Variants in BCOR observed in about 807,000 individuals in gnomAD.
BCOR encodes BCL-6 corepressor.
A neutral mutation model predicts 86.7 loss-of-function variants in BCOR; 10 were observed. The ratio of observed to expected loss-of-function variants is 0.12; its 90% CI spans 0.07 to 0.20. The LOEUF (loss-of-function observed/expected upper bound fraction) is 0.20, where lower values mean the gene tolerates loss of function less well. BCOR is among the 10% of genes least tolerant of loss of function. The probability of loss-of-function intolerance (pLI) is 1.00; values close to 1 mark genes in which losing one functional copy is unlikely to be tolerated. For synonymous variants in BCOR, 611 were observed against 609.0 expected, an observed-to-expected ratio of 1.00 and a Z score of -0.05; for missense variants, 1,259 against 1,452.1, an observed-to-expected ratio of 0.87 and a Z score of 2.16.
At chrX:40,158,792 A>G (rs929336961) in intron 1 of BCOR, among the ~76,000 whole-genome samples, 1 of 112,480 alleles carries the variant, frequency 8.9e-6, no homozygotes, top group Non-Finnish European at 1.9e-5. Context: ...TTATTTGTCC[A>G]CTTTTTGAAT....
chrX:40,123,054 G>A (rs1257183386), intron 1 of BCOR, among the ~76,000 whole-genome samples: 1 of 111,427 alleles, frequency 9.0e-6, no homozygotes, highest in Non-Finnish European at 1.9e-5. Flanking sequence ...TGGGAGTCTC[G>A]GGCACTTACT....
intron 14 of BCOR, among the ~76,000 whole-genome samples, chrX:40,053,552 G>A (rs1343173311): frequency 8.9e-6 from 1 of 111,869 alleles, no homozygotes; most frequent in African/African-American, 3.3e-5. Context: ...GTCCTAGGGA[G>A]GACACCTTCT....
At chrX:40,055,557 C>G (rs1332136895) in intron 11 of BCOR, 44 bp from the exon 12 acceptor site, 1 of 1,203,000 alleles carries the variant, frequency 8.3e-7, no homozygotes, top group Non-Finnish European at 1.1e-6. Context: ...GCAAGCCACA[C>G]TTGCTTATAA....
intron 1 of BCOR, among the ~76,000 whole-genome samples, chrX:40,153,944 G>C (rs1310453173): frequency 9.1e-6 from 1 of 110,096 alleles, no homozygotes; most frequent in Non-Finnish European, 1.9e-5. Flanking sequence ...GGGGCAGGGG[G>C]CGGGGACGCA....
chrX:40,086,475 C>A (rs1189353989), intron 1 of BCOR, among the ~76,000 whole-genome samples: 1 of 113,290 alleles, frequency 8.8e-6, no homozygotes, highest in Non-Finnish European at 1.9e-5. Flanking sequence ...CTCTGCCTCA[C>A]CACAAGTTCC....
intron 1 of BCOR, among the ~76,000 whole-genome samples, chrX:40,160,100 G>C (rs1314953693): frequency 9.0e-6 from 1 of 111,373 alleles, no homozygotes; most frequent in Non-Finnish European, 1.9e-5. Context: ...TCAGATGGTT[G>C]ACATGGATTA....
chrX:40,165,280 T>G (rs759092776), intron 1 of BCOR, among the ~76,000 whole-genome samples: 7 of 111,120 alleles, frequency 6.3e-5, no homozygotes, highest in Non-Finnish European at 1.1e-4. Flanking sequence ...CCGCTTCCCC[T>G]CCCCGCCCTG....
intron 1 of BCOR, among the ~76,000 whole-genome samples, chrX:40,087,022 T>C (rs2147521608): frequency 8.8e-6 from 1 of 113,579 alleles, no homozygotes; most frequent in African/African-American, 3.2e-5. Flanking sequence ...TCCGAGAGTT[T>C]ACTCCTTCTG....
chrX:40,071,707 G>A lies in BCOR; in HGVS notation c.2998-17C>T. The A allele has an allele frequency of 9.1e-7, 1 of 1,104,447 alleles. No individual in the cohort carries two copies. Among genetic ancestry groups the A allele is most frequent in the Non-Finnish European group, 1.3e-6 (1 of 799,409 alleles). The allele number at this position is 1,104,447 out of a possible 1,213,427, so 91.0% of individuals were successfully genotyped here. On this transcript the variant is annotated splice_polypyrimidine_tract_variant and intron_variant, in intron 4 of 14. Coordinates refer to ENST00000378444, the MANE Select transcript of BCOR (RefSeq NM_001123385.2). The stretch of plus-strand genomic sequence containing the variant: ...TCCTTCCATCTATGTAATTAAAATG[G>A]GCACTCAATGGATCATTTAGATAAC...
intron 1 of BCOR, among the ~76,000 whole-genome samples, chrX:40,127,906 A>AAATT (rs1555933833): frequency 1.9e-4 from 20 of 103,493 alleles, no homozygotes; most frequent in South Asian, 1.6e-3. Context: ...ATAAATAAAT[A>AAATT]AATTTAAAAA....
At chrX:40,149,861 A>G (rs1294068605) in intron 1 of BCOR, among the ~76,000 whole-genome samples, 1 of 112,103 alleles carries the variant, frequency 8.9e-6, no homozygotes, top group East Asian at 2.8e-4. Flanking sequence ...AAGAAATGTG[A>G]ATGCATGATA....
intron 1 of BCOR, among the ~76,000 whole-genome samples, chrX:40,144,605 T>C (rs1378181445): frequency 1.8e-5 from 2 of 112,246 alleles, no homozygotes; most frequent in East Asian, 2.8e-4. Context: ...TTCTTATTTG[T>C]TTTATCACCA....
intron 1 of BCOR, among the ~76,000 whole-genome samples, chrX:40,167,103 A>G (rs1414073371): frequency 8.9e-6 from 1 of 111,814 alleles, no homozygotes; most frequent in Admixed American, 9.5e-5. Flanking sequence ...CCCTCCATCT[A>G]CCTTCTCCAC....
At chrX:40,094,426 G>A (rs1423357201) in intron 1 of BCOR, among the ~76,000 whole-genome samples, 1 of 112,955 alleles carries the variant, frequency 8.9e-6, no homozygotes, top group Non-Finnish European at 1.9e-5. Flanking sequence ...GGGGTAGGGG[G>A]CCCACAGGCA....
At chrX:40,140,470 A>G (rs1937898072) in intron 1 of BCOR, among the ~76,000 whole-genome samples, 1 of 110,746 alleles carries the variant, frequency 9.0e-6, no homozygotes, top group South Asian at 3.8e-4. Flanking sequence ...CCCATTTAAA[A>G]CAAACAAACA....
At chrX:40,133,453 C>CTT (rs757749262) in intron 1 of BCOR, among the ~76,000 whole-genome samples, 16 of 85,623 alleles carry the variant, frequency 1.9e-4, no homozygotes, top group East Asian at 3.9e-4. Context: ...TCAATTTCAA[C>CTT]TTTTTTTTTT....
intron 1 of BCOR, among the ~76,000 whole-genome samples, chrX:40,175,550 A>C (rs1442080210): frequency 1.8e-5 from 2 of 113,482 alleles, no homozygotes; most frequent in African/African-American, 6.4e-5. Context: ...AATCAGTGTC[A>C]CTGCCAGGAA....
intron 1 of BCOR, among the ~76,000 whole-genome samples, chrX:40,090,635 G>A (rs1225049751): frequency 8.9e-6 from 1 of 112,200 alleles, no homozygotes; most frequent in Non-Finnish European, 1.9e-5. Context: ...GCCAAGCCTG[G>A]GACCGCAGCG....
intron 14 of BCOR, among the ~76,000 whole-genome samples, chrX:40,052,685 C>T (rs939594097): frequency 9.3e-6 from 1 of 107,920 alleles, no homozygotes; most frequent in Non-Finnish European, 1.9e-5. Context: ...CCGCCTCAGC[C>T]TCCCGAGTAG....
Sources: gnomAD v4.1 joint callset for allele counts (sites outside exome capture counted in the v4.1 genomes callset) on GRCh38, gnomAD v4.1.1 for gene constraint, MANE v1.5 for transcripts, NCBI Gene and HGNC (gene_info 2026-07-23, HGNC 2026-07-21) for gene names.